The following COL6A1 variants were observed in gnomAD, a reference collection of about 807,000 sequenced individuals.
The protein encoded by COL6A1 is collagen type VI alpha 1 chain.
In COL6A1, 80 loss-of-function variants were observed where a neutral mutation model predicts 145.6. That is an observed-to-expected ratio of 0.55 (90% CI 0.46 to 0.66). The LOEUF (loss-of-function observed/expected upper bound fraction) is 0.66. COL6A1 is among the 30% of genes least tolerant of loss of function. COL6A1 has a pLI of 0.00. For synonymous variants in COL6A1, 638 were observed against 622.8 expected (o/e 1.02, Z -0.36); for missense variants, 1,364 against 1,473.8 (o/e 0.93, Z 1.22).
At chr21:45,993,986 CG>C (rs1233871376) in intron 19 of COL6A1, among the ~76,000 whole-genome samples, 180 bp from the exon 20 acceptor site, 12 of 152,202 alleles carry the variant, frequency 7.9e-5, no homozygotes, top group Admixed American at 2.6e-4. Flanking sequence ...CCAGCCACGC[CG>C]ATGGCCACGC....
Position 45,994,641 on chromosome 21 carries a change from A to G in COL6A1, c.1398+412A>G, listed in dbSNP as rs548135630. Among the ~76,000 whole-genome samples, 7 of 152,246 alleles carry G rather than the reference A, an allele frequency of 4.6e-5. No individual in the cohort carries two copies. The highest frequency in any genetic ancestry group is 7.2e-5 in the African/African-American group (3 of 41,526). ...GAGGTCAACTGGGGAGTGTGAGGCT[A>G]TGGAGGTTTCCAGAATCCCAGGGTG... is the stretch of plus-strand genomic sequence containing the variant. On this transcript the variant is annotated intron_variant, in intron 20 of 34. Transcript: ENST00000361866. This position sits in a 1 kb window ranked among gnomAD's most constrained non-coding sequence, Gnocchi z 6.8.
In COL6A1 at chr21:46,003,884, G is replaced by C. The variant is rs886057157; in HGVS notation, c.2958G>C (p.Leu986=). 9 of 1,601,536 alleles carry C rather than the reference G, an allele frequency of 5.6e-6. No homozygotes were observed. The highest frequency in any genetic ancestry group is 1.7e-5 in the Admixed American group (1 of 59,656). The change falls in exon 35 of 35, where the codon CTG becomes CTC. Residue 986 remains leucine, a synonymous_variant. Transcript: ENST00000361866. ...RQVNEPHIRV[L]VTGKTAEYDV... is the part of the protein sequence containing the mutation. ...TGAATGAGCCCCACATCCGCGTCCT[G>C]GTCACCGGCAAGACGGCCGAGTACG...
At chr21:45,990,181 T>C (rs1218701433) in intron 11 of COL6A1, 77 bp from the exon 12 acceptor site, 7 of 1,575,848 alleles carry the variant, frequency 4.4e-6, no homozygotes, top group Non-Finnish European at 6.1e-6. Context: ...AGCCCCTGCC[T>C]CGCGTGGGCC....
Position 46,004,102 on chromosome 21 carries a change from A to G in COL6A1, c.*89A>G, listed in dbSNP as rs1277240802. 5.9e-6 allele frequency: 9 copies of G among 1,533,220 alleles called. No individual in the cohort carries two copies. The highest frequency in any genetic ancestry group is 1.4e-5 in the African/African-American group (1 of 73,084). 95.0% of individuals were successfully genotyped at this position (1,533,220 alleles called of 1,614,324 possible). On this transcript the variant is annotated 3_prime_UTR_variant, in exon 35 of 35. Transcript: ENST00000361866. Reference sequence around the variant, plus strand: ...GTAAAATGTGATGCGAATTTTCCCGACCAACCTGATTCGCTAGATTTTTTT... The same window carrying G: ...GTAAAATGTGATGCGAATTTTCCCGGCCAACCTGATTCGCTAGATTTTTTT...
Position 46,001,942 on chromosome 21 carries a change from C to T in COL6A1, c.1957-19C>T, listed in dbSNP as rs778233882. ...CCTGGGGCAGCACTCGCGTCCTGAC[C>T]CCGGTGCCGGTCCCACAGTTCGAGC... On this transcript the variant is annotated intron_variant, in intron 30 of 34. Transcript: ENST00000361866. 3 of 1,608,076 alleles carry T rather than the reference C, an allele frequency of 1.9e-6. No homozygotes were observed. In the African/African-American group the frequency reaches 4.0e-5, roughly 21 times the overall value.
In COL6A1 at chr21:45,992,909, C is replaced by A. The variant is rs1372875563; in HGVS notation, c.1335+99C>A. On this transcript the variant is annotated intron_variant, in intron 19 of 34. Transcript: ENST00000361866. Reference sequence around the variant, plus strand: ...CAGAGCCACAGGACACATCATGAAGCCCCTGTGGCCCCTCAACGTGGCCAG... The same window carrying A: ...CAGAGCCACAGGACACATCATGAAGACCCTGTGGCCCCTCAACGTGGCCAG... The A allele has an allele frequency of 4.6e-6, 5 of 1,080,360 alleles. No individual in the cohort carries two copies. The Admixed American group carries it at 1.1e-4, about 23-fold the overall frequency. 66.9% of individuals were successfully genotyped at this position (1,080,360 alleles called of 1,614,324 possible). A position where few individuals can be genotyped will look rare whatever the true frequency, so the allele number is the denominator to read the frequency against.
chr21:46,000,706 G>A (rs370649253), intron 28 of COL6A1, 53 bp from the exon 29 acceptor site: 6 of 1,613,448 alleles, frequency 3.7e-6, no homozygotes, highest in South Asian at 2.2e-5. Context: ...CCTTTCTGAC[G>A]TGCGCAGGAC....
intron 6 of COL6A1, 118 bp downstream of exon 6, chr21:45,987,293 TC>T: frequency 6.5e-7 from 1 of 1,527,114 alleles, no homozygotes. Context: ...GGGACACATG[TC>T]CCCTGCGTGT....
intron 11 of COL6A1, 52 bp downstream of exon 11, chr21:45,989,830 C>A (rs772436702): frequency 1.2e-6 from 2 of 1,610,692 alleles, no homozygotes; most frequent in Non-Finnish European, 1.7e-6. Flanking sequence ...GATGTGCCAT[C>A]CTGGACGAGG....
intron 19 of COL6A1, among the ~76,000 whole-genome samples, chr21:45,993,066 C>T (rs762926087): frequency 6.6e-6 from 1 of 152,248 alleles, no homozygotes; most frequent in African/African-American, 2.4e-5. Context: ...GCGGCTTCCA[C>T]GTTTCTGCAT....
At chr21:45,993,422 G>A (rs1270231659) in intron 19 of COL6A1, among the ~76,000 whole-genome samples, 1 of 152,228 alleles carries the variant, frequency 6.6e-6, no homozygotes, top group Non-Finnish European at 1.5e-5. Flanking sequence ...GGCTCAGGGA[G>A]AGCCAGGGCC....
intron 26 of COL6A1, 188 bp from the exon 27 acceptor site, chr21:45,999,469 A>G: frequency 2.6e-6 from 2 of 770,172 alleles, no homozygotes; most frequent in Non-Finnish European, 2.2e-6. Context: ...GGCCGCCTGG[A>G]CCACCAGTGT....
In COL6A1 at chr21:45,989,879, C is replaced by G. The variant is rs1171850407; in HGVS notation, c.930+101C>G. On this transcript the variant is annotated intron_variant, in intron 11 of 34. Coordinates refer to ENST00000361866, the MANE Select transcript of COL6A1 (RefSeq NM_001848.3). ...TGAGGACAGTGTCCCTGACAGGAGACCACGTGTCCTGCAGACCCGCTCCAC... is the reference window on the plus strand; with the variant it reads ...TGAGGACAGTGTCCCTGACAGGAGAGCACGTGTCCTGCAGACCCGCTCCAC... The G allele has an allele frequency of 1.3e-5, 19 of 1,478,248 alleles. No individual in the cohort carries two copies. In the South Asian group the frequency reaches 2.0e-4, roughly 16 times the overall value. The allele number at this position is 1,478,248 out of a possible 1,614,324, so 91.6% of individuals were successfully genotyped here.
rs886057151 is a variant in COL6A1, at chr21:45,992,189, C to G, written c.1208C>G (p.Pro403Arg). ...GGCCAGCCGGGAGAGCCTGGGCCCC[C>G]CGGAGAGAAAGGAGAGGCGGGCGAC... ...DEGQPGEPGP[P>R]GEKGEAGDEG... The change falls in exon 17 of 35, where the codon CCC (proline) becomes CGC (arginine). Residue 403 changes from proline (P) to arginine (R), a missense_variant. Pro to Arg is a moderately radical substitution (Grantham distance 103). Transcript: ENST00000361866. 1.2e-6 allele frequency: 2 copies of G among 1,613,720 alleles called. No homozygotes were observed. The highest frequency in any genetic ancestry group is 1.7e-6 in the Non-Finnish European group (2 of 1,180,028).
intron 26 of COL6A1, 130 bp downstream of exon 26, chr21:45,999,348 T>C: frequency 6.3e-6 from 6 of 953,342 alleles, no homozygotes; most frequent in Non-Finnish European, 9.7e-6. Context: ...GCACGTCATC[T>C]GGGAGGCCCT....
intron 26 of COL6A1, 190 bp from the exon 27 acceptor site, chr21:45,999,467 G>A (rs1038469593): frequency 9.2e-5 from 71 of 769,300 alleles, no homozygotes; most frequent in Admixed American, 2.5e-4. Flanking sequence ...ATGGCCGCCT[G>A]GACCACCAGT....
At position 46,000,742 on chromosome 21, in the gene COL6A1, C is replaced by G; in HGVS notation, c.1814-17C>G. The G allele has an allele frequency of 1.9e-6, 3 of 1,613,980 alleles. No homozygotes were observed. Among genetic ancestry groups the G allele is most frequent in the Non-Finnish European group, 2.5e-6 (3 of 1,179,910 alleles). On this transcript the variant is annotated splice_polypyrimidine_tract_variant and intron_variant, in intron 28 of 34. Coordinates refer to ENST00000361866, the MANE Select transcript of COL6A1 (RefSeq NM_001848.3). ...GCGGCCCTGACTGGTCTAACTGACT[C>G]TTTCTCTTCTCCTCAGCTTGCTGTG...
intron 28 of COL6A1, 79 bp from the exon 29 acceptor site, chr21:46,000,680 G>T: frequency 1.3e-6 from 2 of 1,582,814 alleles, no homozygotes; most frequent in Non-Finnish European, 1.7e-6. Flanking sequence ...CGGGGAGGCT[G>T]CCCCAAGAGT....
chr21:46,000,640 G>C (rs1411351476), intron 28 of COL6A1, 119 bp from the exon 29 acceptor site: 18 of 1,385,256 alleles, frequency 1.3e-5, no homozygotes, highest in Non-Finnish European at 1.8e-5. Context: ...GGGAAGGGGG[G>C]AGGCCGGGGA....
Sources: allele counts gnomAD v4.1 joint callset (sites outside exome capture counted in the v4.1 genomes callset), GRCh38; gene constraint gnomAD v4.1.1; non-coding constraint Gnocchi (gnomAD v3.1); transcripts MANE v1.5; gene names NCBI Gene and HGNC (gene_info 2026-07-23, HGNC 2026-07-21).